Variants in EPC1 observed in about 807,000 individuals in gnomAD.
The protein encoded by EPC1 is enhancer of polycomb 1.
A neutral mutation model predicts 98.4 loss-of-function variants in EPC1; 12 were observed. That is an observed-to-expected ratio of 0.12 (90% CI 0.08 to 0.20). The LOEUF is 0.20. Ranked by LOEUF, EPC1 falls within the 10% of genes least tolerant of loss-of-function variation. EPC1 has a pLI of 1.00. For missense variants in EPC1, 729 were observed against 990.5 expected (o/e 0.74, Z 3.54); for synonymous variants, 357 against 363.9 (o/e 0.98, Z 0.21).
chr10:32,302,090 G>A (rs1835584472), intron 2 of EPC1, among the ~76,000 whole-genome samples: 1 of 151,528 alleles, frequency 6.6e-6, no homozygotes, highest in South Asian at 2.1e-4. Flanking sequence ...TAGCTAACAT[G>A]GTGAAACCCC....
rs375720092 is a variant in EPC1 at position 32,272,030 on chromosome 10, G to A, written c.2001C>T (p.Ala667=). The change falls in exon 12 of 14, where the codon GCC becomes GCT. Residue 667 remains alanine (A), a synonymous_variant. Coordinates refer to ENST00000319778, the MANE Select transcript of EPC1 (RefSeq NM_001272004.3). ...TTTAAATGTCTTTATTCTTACCTGA[G>A]GCTGGAAGGACGCCATTCACCCCGA... is the stretch of plus-strand genomic sequence containing the variant. ...LGIGVNGVLP[A]SGVYKGLHLS... The A allele has an allele frequency of 6.2e-7, 1 of 1,611,032 alleles. No individual in the cohort carries two copies. Among genetic ancestry groups the A allele is most frequent in the African/African-American group, 1.3e-5 (1 of 74,634 alleles).
intron 1 of EPC1, among the ~76,000 whole-genome samples, chr10:32,326,075 G>C (rs1837256755): frequency 6.6e-6 from 1 of 152,108 alleles, no homozygotes; most frequent in Admixed American, 6.5e-5. Context: ...TCTTCTCAAA[G>C]ATCTCCAAAA....
intron 1 of EPC1, among the ~76,000 whole-genome samples, chr10:32,312,633 A>G (rs1027517436): frequency 1.3e-5 from 2 of 152,090 alleles, no homozygotes; most frequent in African/African-American, 4.8e-5. Flanking sequence ...GGATTTGTCT[A>G]TTTTGTCCAC....
chr10:32,332,929 A>C (rs1837726829), intron 1 of EPC1, among the ~76,000 whole-genome samples: 1 of 152,234 alleles, frequency 6.6e-6, no homozygotes, highest in Non-Finnish European at 1.5e-5. Context: ...ATGGTATTTC[A>C]TAAGGCTACA....
At chr10:32,347,223 G>T (rs1273158457), upstream of EPC1, 12 of 1,222,892 alleles carry the variant, frequency 9.8e-6, no homozygotes, top group Admixed American at 4.3e-5. Context: ...GCACGCGGGC[G>T]GGGGGAGGGA....
At chr10:32,276,527 A>C (rs1836106890) in intron 10 of EPC1, among the ~76,000 whole-genome samples, 1 of 152,188 alleles carries the variant, frequency 6.6e-6, no homozygotes, top group Non-Finnish European at 1.5e-5. Context: ...TAAATACATA[A>C]ATAAATAAAA....
rs930427902 is a variant in EPC1, at chr10:32,268,198, C to T, written c.*865G>A. 2.0e-5 allele frequency: 3 copies of T among 152,110 alleles called. No homozygotes were observed. The highest frequency in any genetic ancestry group is 7.2e-5 in the African/African-American group (3 of 41,418). 9.4% of individuals were successfully genotyped at this position (152,110 alleles called of 1,614,324 possible). A position where few individuals can be genotyped will look rare whatever the true frequency, so the allele number is the denominator to read the frequency against. On this transcript the variant is annotated 3_prime_UTR_variant, in exon 14 of 14. Transcript: ENST00000319778. ...ACATAAACTCCAGTTGTAAGGACTC[C>T]ATTTGCATACTTGATTTAACACTTT... is the stretch of plus-strand genomic sequence containing the variant.
At chr10:32,340,776 G>A (rs1838289939) in intron 1 of EPC1, among the ~76,000 whole-genome samples, 1 of 152,132 alleles carries the variant, frequency 6.6e-6, no homozygotes, top group Non-Finnish European at 1.5e-5. Flanking sequence ...GCTGCAGTGA[G>A]CTATGATCGT....
At position 32,327,239 on chromosome 10, in the gene EPC1, CAACAA is replaced by C. The variant is rs915601825; in HGVS notation, c.153+19519_153+19523del. On this transcript the variant is annotated intron_variant, in intron 1 of 13. Coordinates refer to ENST00000319778, the MANE Select transcript of EPC1 (RefSeq NM_001272004.3). ...ATGATCTCATTCATATGTGAAATCTCAACAAAACAAAACAACAACTCATAGAAGTT... is the reference window on the plus strand; with the variant it reads ...ATGATCTCATTCATATGTGAAATCTCAACAAAACAACAACTCATAGAAGTT... Among the ~76,000 whole-genome samples, 24 of 152,098 alleles carry C rather than the reference CAACAA, an allele frequency of 1.6e-4. 1 individual carries two copies. The highest frequency in any genetic ancestry group is 3.4e-3 in the Middle Eastern group (1 of 294).
At chr10:32,305,233 T>C (rs562488197) in intron 2 of EPC1, among the ~76,000 whole-genome samples, 66 of 152,392 alleles carry the variant, frequency 4.3e-4, no homozygotes, top group Middle Eastern at 3.4e-3. Context: ...CTATGGCCTA[T>C]GGGCCAATTC....
chr10:32,322,761 AAAAC>A (rs1273183377), intron 1 of EPC1, among the ~76,000 whole-genome samples: 1 of 152,198 alleles, frequency 6.6e-6, no homozygotes, highest in Non-Finnish European at 1.5e-5. Context: ...GGGAGCTAAA[AAAAC>A]AAACCAAAAC....
intron 1 of EPC1, among the ~76,000 whole-genome samples, chr10:32,334,810 A>G (rs1837857464): frequency 6.6e-6 from 1 of 152,160 alleles, no homozygotes; most frequent in African/African-American, 2.4e-5. Flanking sequence ...TTTAATTAAT[A>G]TCAACAGCAT....
At chr10:32,305,605 A>G (rs993667858) in intron 2 of EPC1, among the ~76,000 whole-genome samples, 167 bp downstream of exon 2, 2 of 152,042 alleles carry the variant, frequency 1.3e-5, no homozygotes, top group East Asian at 1.9e-4. Flanking sequence ...TTCTTGTCAG[A>G]TATCTCAAAT....
chr10:32,337,431 C>G (rs1838045421), intron 1 of EPC1, among the ~76,000 whole-genome samples: 1 of 152,166 alleles, frequency 6.6e-6, no homozygotes, highest in South Asian at 2.1e-4. Flanking sequence ...GAAGGGACAC[C>G]CTGTGAATAT....
At chr10:32,317,094 CTG>C (rs150982657) in intron 1 of EPC1, among the ~76,000 whole-genome samples, 3,567 of 152,262 alleles carry the variant, frequency 0.023, 92 homozygotes, top group East Asian at 0.12. Flanking sequence ...TTCCCCAACT[CTG>C]TTTTATTTTT....
At chr10:32,370,754 C>A (rs12261401) in intron 1 of EPC1, among the ~76,000 whole-genome samples, 7,739 of 152,210 alleles carry the variant, frequency 0.051, 647 homozygotes, top group African/African-American at 0.17. Flanking sequence ...GATAGTGTGA[C>A]TGGGAAAATG....
intron 1 of EPC1, among the ~76,000 whole-genome samples, chr10:32,376,879 G>A (rs927667827): frequency 1.3e-5 from 2 of 151,964 alleles, no homozygotes; most frequent in East Asian, 1.9e-4. Context: ...AAAAAAATAC[G>A]CTTTAGGGTT....
Position 32,337,853 on chromosome 10 carries a change from T to C in EPC1, c.153+8910A>G, listed in dbSNP as rs555244118. Reference sequence around the variant, plus strand: ...TCACCACTCCACCAAAACATGCCAATGGCACATATCTAATTAAATTACTTT... The same window carrying C: ...TCACCACTCCACCAAAACATGCCAACGGCACATATCTAATTAAATTACTTT... On this transcript the variant is annotated intron_variant, in intron 1 of 13. Transcript: ENST00000319778. 3.5e-3 allele frequency among the ~76,000 whole-genome samples: 530 copies of C among 152,300 alleles called. 3 individuals carry two copies. The highest frequency in any genetic ancestry group is 5.0e-3 in the Admixed American group (77 of 15,294).
intron 1 of EPC1, among the ~76,000 whole-genome samples, chr10:32,333,980 T>C (rs570657413): frequency 3.3e-5 from 5 of 152,250 alleles, no homozygotes; most frequent in African/African-American, 1.2e-4. Flanking sequence ...AGGCCCCAAA[T>C]TGTGGTAGAA....
Sources: allele counts gnomAD v4.1 joint callset (sites outside exome capture counted in the v4.1 genomes callset), GRCh38; gene constraint gnomAD v4.1.1; transcripts MANE v1.5; gene names NCBI Gene and HGNC (gene_info 2026-07-23, HGNC 2026-07-21).